The following FAM107B variants were observed in gnomAD, a reference collection of about 807,000 sequenced individuals.
FAM107B encodes protein FAM107B.
Under a neutral mutation model 31.5 loss-of-function variants are expected in FAM107B, and 21 were observed. That is an observed-to-expected ratio of 0.67 (90% CI 0.47 to 0.96). The LOEUF (loss-of-function observed/expected upper bound fraction) is 0.96, where lower values mean the gene tolerates loss of function less well. FAM107B is among the 40% of genes least tolerant of loss of function. FAM107B has a pLI of 0.00. For synonymous variants in FAM107B, 157 were observed against 141.5 expected (o/e 1.11, Z -0.78); for missense variants, 452 against 377.1 (o/e 1.20, Z -1.64).
At chr10:14,721,695 T>A (rs1448174785) in intron 1 of FAM107B, among the ~76,000 whole-genome samples, 1 of 152,234 alleles carries the variant, frequency 6.6e-6, no homozygotes. Context: ...TTGGGGTTGT[T>A]TGGTTTATCT....
At chr10:14,548,897 C>A (rs1328361838) in intron 2 of FAM107B, among the ~76,000 whole-genome samples, 2 of 151,984 alleles carry the variant, frequency 1.3e-5, no homozygotes, top group Non-Finnish European at 2.9e-5. Context: ...GCCCTAACCC[C>A]CAAAGTGACA....
At chr10:14,750,940 C>T in intron 1 of FAM107B, among the ~76,000 whole-genome samples, 1 of 152,136 alleles carries the variant, frequency 6.6e-6, no homozygotes, top group Non-Finnish European at 1.5e-5. Flanking sequence ...CATGAGGAAT[C>T]AGGGGTGGGC....
intron 2 of FAM107B, among the ~76,000 whole-genome samples, chr10:14,592,121 C>G (rs118011845): frequency 0.01 from 1,573 of 152,296 alleles, 16 homozygotes; most frequent in Non-Finnish European, 0.014. Context: ...CCCTGGGCTT[C>G]CCCGATCCCG....
chr10:14,523,595 A>G (rs1338821754), intron 3 of FAM107B, among the ~76,000 whole-genome samples: 1 of 152,246 alleles, frequency 6.6e-6, no homozygotes, highest in East Asian at 1.9e-4. Context: ...ACTCCTATCA[A>G]CTACCGTGAC....
At chr10:14,622,715 T>A (rs1266905978) in intron 2 of FAM107B, among the ~76,000 whole-genome samples, 1 of 152,202 alleles carries the variant, frequency 6.6e-6, no homozygotes, top group East Asian at 1.9e-4. Flanking sequence ...AAGTACATGG[T>A]CAGTTAATCA....
At chr10:14,727,713 G>A (rs1205700043) in intron 1 of FAM107B, among the ~76,000 whole-genome samples, 1 of 152,060 alleles carries the variant, frequency 6.6e-6, no homozygotes, top group Non-Finnish European at 1.5e-5. Flanking sequence ...TCCCTTCCTC[G>A]AATCACTTCC....
chr10:14,746,279 C>A (rs189933806), intron 1 of FAM107B, among the ~76,000 whole-genome samples: 1 of 152,142 alleles, frequency 6.6e-6, no homozygotes, highest in African/African-American at 2.4e-5. Flanking sequence ...TTAATTGGGG[C>A]ATTTAGTCCA....
chr10:14,539,806 T>C (rs1173574006), intron 2 of FAM107B, among the ~76,000 whole-genome samples: 5 of 152,134 alleles, frequency 3.3e-5, no homozygotes, highest in Admixed American at 2.0e-4. Flanking sequence ...TTTCACCCAG[T>C]TGAAAGTCCT....
chr10:14,525,291 T>A (rs1004692915), intron 3 of FAM107B, among the ~76,000 whole-genome samples: 1 of 152,186 alleles, frequency 6.6e-6, no homozygotes, highest in Admixed American at 6.5e-5. Flanking sequence ...TTTATGACAG[T>A]ATCACCCACG....
intron 1 of FAM107B, among the ~76,000 whole-genome samples, chr10:14,689,172 G>A (rs1049583360): frequency 2.0e-5 from 3 of 152,018 alleles, no homozygotes; most frequent in African/African-American, 7.2e-5. Flanking sequence ...TTGAGCTCAG[G>A]AGTTCGAGAC....
At chr10:14,757,153 T>A (rs1483170928) in intron 1 of FAM107B, among the ~76,000 whole-genome samples, 1 of 152,120 alleles carries the variant, frequency 6.6e-6, no homozygotes, top group African/African-American at 2.4e-5. Flanking sequence ...ACCCTAAACT[T>A]AAAAGTTAAA....
At chr10:14,713,936 C>A (rs919583700) in intron 1 of FAM107B, among the ~76,000 whole-genome samples, 1 of 152,054 alleles carries the variant, frequency 6.6e-6, no homozygotes, top group African/African-American at 2.4e-5. Flanking sequence ...AAATAGAAAA[C>A]CAAATACTGC....
intron 2 of FAM107B, among the ~76,000 whole-genome samples, chr10:14,647,431 C>A (rs1455668418): frequency 1.3e-5 from 2 of 152,128 alleles, no homozygotes; most frequent in African/African-American, 4.8e-5. Flanking sequence ...GTAGTCCCAG[C>A]ACTTTGGGAG....
intron 2 of FAM107B, among the ~76,000 whole-genome samples, chr10:14,567,139 C>T (rs1211735347): frequency 7.9e-5 from 12 of 151,894 alleles, no homozygotes; most frequent in African/African-American, 1.2e-4. Flanking sequence ...GGTGACAGAG[C>T]GAGACTCTGT....
intron 2 of FAM107B, among the ~76,000 whole-genome samples, chr10:14,630,427 T>A (rs1402353583): frequency 6.6e-6 from 1 of 152,080 alleles, no homozygotes; most frequent in African/African-American, 2.4e-5. Flanking sequence ...AAAAATGCAC[T>A]GAGGCAGAGT....
In FAM107B at chr10:14,589,018, C is replaced by A. The variant is rs181287362; in HGVS notation, c.470-58503G>T. 5.9e-5 allele frequency among the ~76,000 whole-genome samples: 9 copies of A among 151,820 alleles called. No individual in the cohort carries two copies. The East Asian group carries it at 1.4e-3, about 23-fold the overall frequency. On this transcript the variant is annotated intron_variant, in intron 2 of 4. Transcript: ENST00000181796. Reference sequence around the variant, plus strand: ...TCAACGTGGTGAAACCCCATCCTTACTAAAAATACAAAAATTAGCCGGGTG... The same window carrying A: ...TCAACGTGGTGAAACCCCATCCTTAATAAAAATACAAAAATTAGCCGGGTG...
chr10:14,686,166 A>C (rs1411589537), intron 1 of FAM107B, among the ~76,000 whole-genome samples: 1 of 152,110 alleles, frequency 6.6e-6, no homozygotes, highest in Non-Finnish European at 1.5e-5. Flanking sequence ...AGGTGGGCAG[A>C]TCACTTGAGG....
chr10:14,623,425 G>T (rs1853068174), intron 2 of FAM107B, among the ~76,000 whole-genome samples: 1 of 152,338 alleles, frequency 6.6e-6, no homozygotes, highest in South Asian at 2.1e-4. Context: ...CTGCAGAAAA[G>T]GTACAGACAT....
chr10:14,713,002 A>G (rs1278265244), intron 1 of FAM107B, among the ~76,000 whole-genome samples: 3 of 152,180 alleles, frequency 2.0e-5, no homozygotes, highest in Middle Eastern at 6.8e-3. Context: ...GTCCTTGGTT[A>G]CTGAGCCTTC....
Sources: gnomAD v4.1 joint callset for allele counts (sites outside exome capture counted in the v4.1 genomes callset) on GRCh38, gnomAD v4.1.1 for gene constraint, MANE v1.5 for transcripts, NCBI Gene and HGNC (gene_info 2026-07-23, HGNC 2026-07-21) for gene names.